DNAH11: variants seen among roughly 807,000 people sequenced by gnomAD.
The protein encoded by DNAH11 is axonemal beta dynein heavy chain 11.
DNAH11 carries 442 observed loss-of-function variants against 526.0 expected under a neutral mutation model. The observed-to-expected ratio is 0.84, with a 90% CI of 0.78 to 0.91. The LOEUF is 0.91. Ranked by LOEUF, DNAH11 falls within the 40% of genes least tolerant of loss-of-function variation. The pLI is 0.00. For synonymous variants in DNAH11, 2,461 were observed against 1,935.9 expected, an observed-to-expected ratio of 1.27 and a Z score of -7.12; for missense variants, 6,989 against 5,448.7, an observed-to-expected ratio of 1.28 and a Z score of -8.90.
intron 76 of DNAH11, among the ~76,000 whole-genome samples, chr7:21,891,705 C>T (rs569880271): frequency 8.6e-4 from 131 of 152,268 alleles, no homozygotes; most frequent in African/African-American, 3.0e-3. Flanking sequence ...CCGCTTTCTC[C>T]AGCCTTTCAC....
chr7:21,626,200 G>A (rs1458819228), intron 25 of DNAH11, among the ~76,000 whole-genome samples: 3 of 152,096 alleles, frequency 2.0e-5, no homozygotes. Context: ...ACATGTGAAT[G>A]GGAATACGTG....
intron 14 of DNAH11, among the ~76,000 whole-genome samples, chr7:21,594,645 C>T (rs1784804019): frequency 6.6e-6 from 1 of 152,062 alleles, no homozygotes; most frequent in Non-Finnish European, 1.5e-5. Flanking sequence ...TAGAGTCAGC[C>T]AAGTGGGCCT....
intron 65 of DNAH11, among the ~76,000 whole-genome samples, chr7:21,827,582 CT>C (rs1790360050): frequency 6.6e-6 from 1 of 151,592 alleles, no homozygotes; most frequent in African/African-American, 2.4e-5. Flanking sequence ...TAATAATAGT[CT>C]TAAAGTAGCA....
At chr7:21,645,159 G>C (rs1787296171) in intron 28 of DNAH11, among the ~76,000 whole-genome samples, 1 of 152,118 alleles carries the variant, frequency 6.6e-6, no homozygotes, top group African/African-American at 2.4e-5. Context: ...ACAAATGTGG[G>C]GTCCTGCCAG....
chr7:21,616,200 C>T lies in DNAH11; in HGVS notation c.4012-9C>T, dbSNP rs1039778615. 3.1e-6 allele frequency: 5 copies of T among 1,611,264 alleles called. No homozygotes were observed. Among genetic ancestry groups the T allele is most frequent in the Non-Finnish European group, 4.2e-6 (5 of 1,178,058 alleles). On this transcript the variant is annotated splice_polypyrimidine_tract_variant and intron_variant, in intron 21 of 81. Coordinates refer to ENST00000409508, the MANE Select transcript of DNAH11 (RefSeq NM_001277115.2). ...TTGTTGACACTTTTATCTGCTTTTG[C>T]GTTTTCAGAGAAGCATTGATAATTG...
intron 34 of DNAH11, among the ~76,000 whole-genome samples, chr7:21,689,336 G>C (rs1283650638): frequency 6.6e-6 from 1 of 152,172 alleles, no homozygotes; most frequent in Non-Finnish European, 1.5e-5. Context: ...AATACTCCTT[G>C]GTAGTCTCCT....
intron 20 of DNAH11, among the ~76,000 whole-genome samples, chr7:21,609,294 C>A (rs1785422080): frequency 6.6e-6 from 1 of 152,180 alleles, no homozygotes; most frequent in Non-Finnish European, 1.5e-5. Context: ...CAGCTCACTA[C>A]AACCTCTGCC....
At chr7:21,872,698 A>G (rs1485365050) in intron 73 of DNAH11, among the ~76,000 whole-genome samples, 1 of 152,238 alleles carries the variant, frequency 6.6e-6, no homozygotes, top group Non-Finnish European at 1.5e-5. Flanking sequence ...CAACAGACCT[A>G]GGATTTAAGG....
intron 76 of DNAH11, among the ~76,000 whole-genome samples, chr7:21,891,985 TAC>T (rs1784341650): frequency 6.6e-6 from 1 of 152,128 alleles, no homozygotes; most frequent in South Asian, 2.1e-4. Context: ...AAGTACAGGC[TAC>T]AGAGTCCTAC....
chr7:21,705,674 G>T, intron 39 of DNAH11, 137 bp downstream of exon 39: 1 of 759,590 alleles, frequency 1.3e-6, no homozygotes, highest in Non-Finnish European at 2.2e-6. Flanking sequence ...ATCTGAGACT[G>T]GAATCTTGCT....
At chr7:21,789,884 C>A (rs1043894303) in intron 61 of DNAH11, among the ~76,000 whole-genome samples, 1 of 137,584 alleles carries the variant, frequency 7.3e-6, no homozygotes, top group South Asian at 2.4e-4. Context: ...TTCTTTCTTT[C>A]TTTCTTTCCT....
chr7:21,815,166 C>T (rs1244385771), intron 63 of DNAH11, among the ~76,000 whole-genome samples: 3 of 152,128 alleles, frequency 2.0e-5, no homozygotes, highest in Non-Finnish European at 4.4e-5. Flanking sequence ...ATGAGATCTG[C>T]AGGTGCCCCT....
At chr7:21,708,270 T>G (rs1784344606) in intron 40 of DNAH11, among the ~76,000 whole-genome samples, 1 of 152,172 alleles carries the variant, frequency 6.6e-6, no homozygotes, top group South Asian at 2.1e-4. Flanking sequence ...CTGTTAAGAT[T>G]TCCTGTTACA....
intron 63 of DNAH11, among the ~76,000 whole-genome samples, chr7:21,814,647 T>C (rs888321314): frequency 2.6e-5 from 4 of 151,824 alleles, no homozygotes; most frequent in Non-Finnish European, 5.9e-5. Context: ...ATTTTTAAAA[T>C]AATGTAATTG....
chr7:21,687,723 T>G (rs1783442050), intron 34 of DNAH11, among the ~76,000 whole-genome samples, 196 bp downstream of exon 34: 1 of 152,200 alleles, frequency 6.6e-6, no homozygotes, highest in Admixed American at 6.5e-5. Context: ...GTACAACACA[T>G]GTATATTACA....
At chr7:21,784,863 A>G (rs7811213) in intron 58 of DNAH11, among the ~76,000 whole-genome samples, 180 of 152,218 alleles carry the variant, frequency 1.2e-3, no homozygotes, top group African/African-American at 4.1e-3. Flanking sequence ...AATTTTTCAT[A>G]TCATGTGTTG....
chr7:21,882,411 A>T (rs1783956131), intron 75 of DNAH11, among the ~76,000 whole-genome samples: 1 of 152,210 alleles, frequency 6.6e-6, no homozygotes, highest in South Asian at 2.1e-4. Flanking sequence ...TCCTATGAGC[A>T]CATGTTTGGT....
chr7:21,765,268 A>G (rs1036210606), intron 54 of DNAH11, among the ~76,000 whole-genome samples, 160 bp from the exon 55 acceptor site: 3 of 152,160 alleles, frequency 2.0e-5, no homozygotes, highest in Admixed American at 6.5e-5. Context: ...TTCCACTTTG[A>G]TTAGCAAGGA....
chr7:21,649,987 T>C (rs916675984), intron 28 of DNAH11, among the ~76,000 whole-genome samples: 1 of 152,118 alleles, frequency 6.6e-6, no homozygotes, highest in South Asian at 2.1e-4. Context: ...CTTAATCTTG[T>C]GGTAAGCACA....
Sources: allele counts gnomAD v4.1 joint callset (sites outside exome capture counted in the v4.1 genomes callset), GRCh38; gene constraint gnomAD v4.1.1; transcripts MANE v1.5; gene names NCBI Gene and HGNC (gene_info 2026-07-23, HGNC 2026-07-21).